The following PMS2 variants were observed in gnomAD, a reference collection of about 807,000 sequenced individuals.
PMS2 encodes PMS1 homolog 2, mismatch repair system component.
In PMS2, 69 loss-of-function variants were observed where a neutral mutation model predicts 90.0. The observed-to-expected ratio is 0.77, with a 90% CI of 0.63 to 0.94. PMS2 has a LOEUF of 0.94. Ranked by LOEUF, PMS2 falls within the 40% of genes least tolerant of loss-of-function variation. The pLI, the probability that PMS2 is intolerant of heterozygous loss-of-function variation, is 0.00. For missense variants in PMS2, 966 were observed against 1,040.2 expected (o/e 0.93, Z 0.98); for synonymous variants, 332 against 375.1 (o/e 0.89, Z 1.33).
chr7:5,993,009 C>A (rs1040271898), intron 8 of PMS2, among the ~76,000 whole-genome samples: 6 of 152,152 alleles, frequency 3.9e-5, no homozygotes, highest in Non-Finnish European at 7.3e-5. Context: ...GAATCCATCA[C>A]ACTATAGGTT....
At chr7:5,992,332 T>G (rs183733526) in intron 8 of PMS2, among the ~76,000 whole-genome samples, 11 of 151,558 alleles carry the variant, frequency 7.3e-5, no homozygotes, top group Admixed American at 6.6e-4. Flanking sequence ...TTTTCTTTTT[T>G]TTTTTCAACG....
rs749443737 is a variant in PMS2, at chr7:5,989,930, T to C, written c.1014A>G (p.Pro338=). The change falls in exon 10 of 15, where the codon CCA becomes CCG. Residue 338 remains proline (P), a synonymous_variant. Transcript: ENST00000265849. ...CTTGTAGCAAAATTTGCCTTTTATC[T>C]GGAGTAACATTGATATCAACGCATT... ...DSECVDINVT[P]DKRQILLQEE... 2 of 1,609,426 alleles carry C rather than the reference T, an allele frequency of 1.2e-6. No individual in the cohort carries two copies. Among genetic ancestry groups the C allele is most frequent in the Admixed American group, 3.3e-5 (2 of 59,898 alleles).
chr7:5,987,078 G>T lies in PMS2; in HGVS notation c.1687C>A (p.Arg563=), dbSNP rs587778618. 9.3e-6 allele frequency: 15 copies of T among 1,614,002 alleles called. No individual in the cohort carries two copies. Among genetic ancestry groups the T allele is most frequent in the Non-Finnish European group, 1.3e-5 (15 of 1,180,042 alleles). ...AGATTAGTTGGCTGAGGCAAAACTC[G>T]AAATTTACATCCGGTATCTTCCTGG... ...SNQEDTGCKF[R]VLPQPTNLAT... Residue 563 remains arginine, a synonymous_variant, in exon 11 of 15, where the codon CGA becomes AGA. Transcript: ENST00000265849.
intron 12 of PMS2, among the ~76,000 whole-genome samples, chr7:5,981,376 C>G (rs1782266126): frequency 6.7e-6 from 1 of 149,982 alleles, no homozygotes. Flanking sequence ...TCCCGAATAG[C>G]TGGGACCACA....
Position 6,002,641 on chromosome 7 carries a change from G to C in PMS2, c.354-5C>G, listed in dbSNP as rs200591010. 2.3e-5 allele frequency: 37 copies of C among 1,609,404 alleles called. No homozygotes were observed. Among genetic ancestry groups the C allele is most frequent in the Non-Finnish European group, 3.1e-5 (37 of 1,177,608 alleles). On this transcript the variant is annotated splice_polypyrimidine_tract_variant and splice_region_variant and intron_variant, in intron 4 of 14. Coordinates refer to ENST00000265849, the MANE Select transcript of PMS2 (RefSeq NM_000535.7). ...CAGGTAGAAATGGTGACATCGCTGT[G>C]AGAGAATACCAGGCATGGTGTGTTC...
chr7:5,999,083 C>A lies in PMS2; in HGVS notation c.705+25G>T, dbSNP rs778962206. ...CTATAATCACTAGAGCAATAAGAGG[C>A]GTTGAAGTAACCGGCCATCACTACC... On this transcript the variant is annotated intron_variant, in intron 6 of 14. Transcript: ENST00000265849. The A allele has an allele frequency of 7.5e-6, 12 of 1,607,796 alleles. No homozygotes were observed. The Admixed American group carries it at 2.0e-4, about 27-fold the overall frequency.
intron 1 of PMS2, 54 bp downstream of exon 1, chr7:6,008,943 G>A (rs1317656138): frequency 1.2e-6 from 2 of 1,605,496 alleles, no homozygotes; most frequent in South Asian, 1.1e-5. Flanking sequence ...AATGCCGTGG[G>A]TCTCAAAGAG....
In PMS2 at chr7:5,989,955, T is replaced by C. The variant is rs761913816; in HGVS notation, c.989A>G (p.Glu330Gly). ...FVVLNISVDS[E>G]CVDINVTPDK... ...TGGAGTAACATTGATATCAACGCAT[T>C]CTAAGGCAAAAAAGAAAACATATTT... is the stretch of plus-strand genomic sequence containing the variant. Residue 330 changes from glutamate to glycine, a missense_variant and splice_region_variant, in exon 10 of 15, where the codon GAA becomes GGA. Glu to Gly is a moderately conservative substitution (Grantham distance 98). Coordinates refer to ENST00000265849, the MANE Select transcript of PMS2 (RefSeq NM_000535.7). 2.0e-5 allele frequency: 32 copies of C among 1,582,402 alleles called. No individual in the cohort carries two copies. The highest frequency in any genetic ancestry group is 2.7e-5 in the Non-Finnish European group (31 of 1,155,334).
At chr7:5,983,053 A>G (rs2128705476) in intron 11 of PMS2, 62 bp from the exon 12 acceptor site, 1 of 1,552,216 alleles carries the variant, frequency 6.4e-7, no homozygotes, top group Non-Finnish European at 8.8e-7. Context: ...ATTATGTTAT[A>G]GAACACTGTA....
chr7:5,986,668 C>A (rs1359220533), intron 11 of PMS2, 91 bp downstream of exon 11: 26 of 1,018,832 alleles, frequency 2.6e-5, no homozygotes, highest in Non-Finnish European at 3.6e-5. Flanking sequence ...TTCCAGCCTG[C>A]GCAACAGAGC....
intron 8 of PMS2, among the ~76,000 whole-genome samples, chr7:5,993,993 C>A (rs1333600094): frequency 6.7e-6 from 1 of 149,372 alleles, no homozygotes; most frequent in Non-Finnish European, 1.5e-5. Flanking sequence ...AATAAATATA[C>A]TGGTAATATG....
chr7:5,983,792 C>A (rs934586468), intron 11 of PMS2, among the ~76,000 whole-genome samples: 3 of 151,620 alleles, frequency 2.0e-5, no homozygotes, highest in African/African-American at 7.3e-5. Context: ...GCTGGGACTA[C>A]AGGCATGCAC....
At chr7:5,990,920 C>T (rs761081681) in intron 9 of PMS2, among the ~76,000 whole-genome samples, 7 of 152,040 alleles carry the variant, frequency 4.6e-5, no homozygotes, top group East Asian at 3.9e-4. Flanking sequence ...GAGGCTGAGG[C>T]GGGAGAATCG....
At chr7:6,004,813 C>T (rs1345894478) in intron 2 of PMS2, among the ~76,000 whole-genome samples, 2 of 152,108 alleles carry the variant, frequency 1.3e-5, no homozygotes, top group African/African-American at 2.4e-5. Flanking sequence ...TTCCTATCCC[C>T]TAATTTCCTC....
rs2345056 is a variant in PMS2, at chr7:6,006,035, G to C, written c.24-4C>G. 1.2e-6 allele frequency: 2 copies of C among 1,610,570 alleles called. No homozygotes were observed. The highest frequency in any genetic ancestry group is 2.2e-5 in the East Asian group (1 of 44,868). ...GATGGCCTTAGCAGGTTCTGTACTA[G>C]AGAAATCAGTTACAAGAAACAAATC... On this transcript the variant is annotated splice_region_variant and splice_polypyrimidine_tract_variant and intron_variant, in intron 1 of 14. Transcript: ENST00000265849.
intron 13 of PMS2, among the ~76,000 whole-genome samples, chr7:5,978,216 C>G (rs1583283794): frequency 6.7e-6 from 1 of 149,950 alleles, no homozygotes; most frequent in African/African-American, 2.4e-5. Flanking sequence ...AAAAACTGGT[C>G]TATATGACCT....
Position 6,002,498 on chromosome 7 carries a change from G to A in PMS2, c.492C>T (p.Ser164=), listed in dbSNP as rs35311046. Residue 164 remains serine (S), a synonymous_variant, in exon 5 of 15, where the codon TCC becomes TCT. Transcript: ENST00000265849. ...ATTCCTTATGGCGCACAGGTAGTGT[G>A]GAAAATAACTGCTGCACGCTGACTG... ...GTTVSVQQLF[S]TLPVRHKEFQ... is the part of the protein sequence containing the mutation. 6.2e-7 allele frequency: 1 copy of A among 1,611,642 alleles called. No individual in the cohort carries two copies. Among genetic ancestry groups the A allele is most frequent in the Non-Finnish European group, 8.5e-7 (1 of 1,179,608 alleles).
chr7:5,983,642 T>C (rs1167978821), intron 11 of PMS2, among the ~76,000 whole-genome samples: 1 of 151,684 alleles, frequency 6.6e-6, no homozygotes, highest in Non-Finnish European at 1.5e-5. Context: ...ATCTACTTCA[T>C]TATTTTTTCT....
At chr7:5,986,720 T>G (rs767386179) in intron 11 of PMS2, 39 bp downstream of exon 11, 2 of 1,434,232 alleles carry the variant, frequency 1.4e-6, no homozygotes, top group Admixed American at 2.2e-5. Flanking sequence ...AATAAAAATT[T>G]TAGATAAAAA....
Sources: gnomAD v4.1 joint callset for allele counts (sites outside exome capture counted in the v4.1 genomes callset) on GRCh38, gnomAD v4.1.1 for gene constraint, MANE v1.5 for transcripts, NCBI Gene and HGNC (gene_info 2026-07-23, HGNC 2026-07-21) for gene names.